The following NR6A1 variants were observed in gnomAD, a reference collection of about 807,000 sequenced individuals.
NR6A1 encodes retinoic acid receptor-related testis-associated receptor.
In NR6A1, 7 loss-of-function variants were observed where a neutral mutation model predicts 59.1. The observed-to-expected ratio is 0.12, with a 90% CI of 0.07 to 0.22. The LOEUF is 0.22. Among genes scored for constraint, NR6A1 ranks in the 10% least tolerant of loss-of-function variants. NR6A1 has a pLI of 1.00. For synonymous variants in NR6A1, 243 were observed against 236.1 expected, an observed-to-expected ratio of 1.03 and a Z score of -0.27; for missense variants, 468 against 611.6, an observed-to-expected ratio of 0.77 and a Z score of 2.48.
At chr9:124,608,535 G>A (rs1161738738) in intron 2 of NR6A1, among the ~76,000 whole-genome samples, 1 of 152,104 alleles carries the variant, frequency 6.6e-6, no homozygotes, top group Admixed American at 6.5e-5. Context: ...TCTTTATCCA[G>A]TCTATCATTC....
At chr9:124,598,647 T>TAA (rs34357133) in intron 2 of NR6A1, 8,387 of 160,412 alleles carry the variant, frequency 0.052, 274 homozygotes, top group African/African-American at 0.13. Flanking sequence ...AGAGTAAAAT[T>TAA]AAAAAAAAAA....
At chr9:124,666,405 A>G (rs556136454) in intron 2 of NR6A1, among the ~76,000 whole-genome samples, 1 of 151,512 alleles carries the variant, frequency 6.6e-6, no homozygotes, top group Admixed American at 6.6e-5. Flanking sequence ...CAACCTCCCA[A>G]GTAGCTGGGA....
intron 1 of NR6A1, among the ~76,000 whole-genome samples, chr9:124,752,703 T>C (rs1014804512): frequency 2.0e-5 from 3 of 151,810 alleles, no homozygotes; most frequent in Non-Finnish European, 4.4e-5. Context: ...ACCTACAAAA[T>C]TACTATATAT....
At chr9:124,693,444 C>T (rs1234069311) in intron 2 of NR6A1, among the ~76,000 whole-genome samples, 1 of 152,186 alleles carries the variant, frequency 6.6e-6, no homozygotes, top group African/African-American at 2.4e-5. Flanking sequence ...TTTACAGGTA[C>T]TAATATGCAA....
intron 2 of NR6A1, among the ~76,000 whole-genome samples, chr9:124,565,509 T>C (rs1834213996): frequency 6.6e-6 from 1 of 151,600 alleles, no homozygotes; most frequent in South Asian, 2.1e-4. Context: ...ATTGATAAAA[T>C]GGCATTAAAG....
chr9:124,651,474 C>T (rs1465580225), intron 2 of NR6A1, among the ~76,000 whole-genome samples: 2 of 152,178 alleles, frequency 1.3e-5, no homozygotes, highest in Non-Finnish European at 2.9e-5. Flanking sequence ...TTTCCAAATA[C>T]TTATGGAAGA....
chr9:124,649,228 T>C (rs1482515037), intron 2 of NR6A1, among the ~76,000 whole-genome samples: 3 of 89,378 alleles, frequency 3.4e-5, no homozygotes, highest in African/African-American at 1.5e-4. Context: ...AGTGTGGTAC[T>C]GGCACAAAAA....
intron 2 of NR6A1, among the ~76,000 whole-genome samples, chr9:124,618,408 G>A (rs532564075): frequency 1.6e-3 from 244 of 152,160 alleles, no homozygotes; most frequent in African/African-American, 5.7e-3. Flanking sequence ...ACTTGAACCC[G>A]GGAGGCGGAG....
intron 2 of NR6A1, among the ~76,000 whole-genome samples, chr9:124,658,979 C>T (rs1837341831): frequency 6.6e-6 from 1 of 152,092 alleles, no homozygotes; most frequent in Admixed American, 6.6e-5. Context: ...AGGTTGCTTT[C>T]CATTCTTTGC....
In NR6A1 at chr9:124,734,227, C is replaced by G. The variant is rs2131131742; in HGVS notation, c.101-878G>C. ...CTAACACCTGTGCTTGCTTCTAGCA[C>G]TCATCAACAAGGAACTACTTGTTCA... On this transcript the variant is annotated intron_variant, in intron 1 of 9. Coordinates refer to ENST00000487099, the MANE Select transcript of NR6A1 (RefSeq NM_033334.4). 1.3e-5 allele frequency among the ~76,000 whole-genome samples: 2 copies of G among 152,330 alleles called. 1 individual carries two copies. The highest frequency in any genetic ancestry group is 6.8e-3 in the Middle Eastern group (2 of 294).
chr9:124,652,787 T>C (rs1001669507), intron 2 of NR6A1, among the ~76,000 whole-genome samples: 1 of 152,166 alleles, frequency 6.6e-6, no homozygotes, highest in Non-Finnish European at 1.5e-5. Flanking sequence ...CACCCAGCTA[T>C]TACTTTAAAA....
chr9:124,731,759 T>C (rs998325724), intron 2 of NR6A1, among the ~76,000 whole-genome samples: 1 of 152,262 alleles, frequency 6.6e-6, no homozygotes, highest in African/African-American at 2.4e-5. Flanking sequence ...TAGTGTACTT[T>C]ATTGTAACAA....
chr9:124,707,347 T>C (rs541684124), intron 2 of NR6A1, among the ~76,000 whole-genome samples: 2 of 152,308 alleles, frequency 1.3e-5, no homozygotes, highest in South Asian at 4.1e-4. Context: ...TATTTTCTTA[T>C]AATTTCTCTA....
chr9:124,619,409 G>T (rs1358259822), intron 2 of NR6A1, among the ~76,000 whole-genome samples: 1 of 151,878 alleles, frequency 6.6e-6, no homozygotes, highest in South Asian at 2.1e-4. Flanking sequence ...GACTACAAGC[G>T]CCTGCCACCA....
chr9:124,536,009 G>A lies in NR6A1; in HGVS notation c.948C>T (p.Tyr316=). ...GCCACGTAGAGCTCAAGAGGCACGT[G>A]TAATCCTTGATTGAGAGCTCGCAGA... ...PFFCELSIKD[Y]TCLLSSTWQE... The change falls in exon 7 of 10, where the codon TAC becomes TAT. Residue 316 remains tyrosine, a synonymous_variant. Transcript: ENST00000487099. 2 of 1,614,214 alleles carry A rather than the reference G, an allele frequency of 1.2e-6. No homozygotes were observed. The highest frequency in any genetic ancestry group is 1.7e-6 in the Non-Finnish European group (2 of 1,180,036).
intron 2 of NR6A1, chr9:124,598,754 C>T: frequency 2.1e-6 from 2 of 935,130 alleles, no homozygotes; most frequent in South Asian, 1.3e-5. Flanking sequence ...TCTCCTTCAC[C>T]GAAAGAGCTT....
chr9:124,598,635 G>T, intron 2 of NR6A1: 2 of 327,716 alleles, frequency 6.1e-6, no homozygotes, highest in East Asian at 6.9e-5. Flanking sequence ...AAAAAGAGGG[G>T]CAGAGTAAAA....
At chr9:124,710,357 A>T (rs962848326) in intron 2 of NR6A1, among the ~76,000 whole-genome samples, 1 of 152,242 alleles carries the variant, frequency 6.6e-6, no homozygotes, top group Non-Finnish European at 1.5e-5. Flanking sequence ...TACCAACTGT[A>T]TCAGAACTAT....
intron 2 of NR6A1, among the ~76,000 whole-genome samples, chr9:124,595,162 T>A (rs561540934): frequency 6.6e-6 from 1 of 152,330 alleles, no homozygotes; most frequent in African/African-American, 2.4e-5. Flanking sequence ...GTTATAACAC[T>A]AGTGACTATT....
Sources: allele counts gnomAD v4.1 joint callset (sites outside exome capture counted in the v4.1 genomes callset), GRCh38; gene constraint gnomAD v4.1.1; transcripts MANE v1.5; gene names NCBI Gene and HGNC (gene_info 2026-07-23, HGNC 2026-07-21).